Variants in SCAPER observed in about 807,000 individuals in gnomAD.
The protein encoded by SCAPER is S phase cyclin A-associated protein in the endoplasmic reticulum.
In SCAPER, 98 loss-of-function variants were observed where a neutral mutation model predicts 182.2. The observed-to-expected ratio is 0.54, with a 90% CI of 0.46 to 0.64. The LOEUF (loss-of-function observed/expected upper bound fraction) is 0.64. SCAPER is among the 30% of genes least tolerant of loss of function. The pLI, the probability that SCAPER is intolerant of heterozygous loss-of-function variation, is 0.00. For synonymous variants in SCAPER, 605 were observed against 564.6 expected, an observed-to-expected ratio of 1.07 and a Z score of -1.01; for missense variants, 1,432 against 1,690.0, an observed-to-expected ratio of 0.85 and a Z score of 2.68.
chr15:76,414,612 A>T (rs933241976), intron 26 of SCAPER, among the ~76,000 whole-genome samples: 7 of 152,152 alleles, frequency 4.6e-5, no homozygotes, highest in African/African-American at 1.7e-4. Flanking sequence ...AAAAGACCAA[A>T]CAGTTATGTG....
At chr15:76,535,161 T>A (rs1277750344) in intron 23 of SCAPER, among the ~76,000 whole-genome samples, 1 of 152,166 alleles carries the variant, frequency 6.6e-6, no homozygotes, top group African/African-American at 2.4e-5. Flanking sequence ...TACAGACTGA[T>A]AATTTTTCAT....
intron 24 of SCAPER, chr15:76,498,348 CTGGA>C (rs2040799131): frequency 6.6e-6 from 1 of 152,154 alleles, no homozygotes; most frequent in Non-Finnish European, 1.5e-5. Flanking sequence ...TTACCTGCTT[CTGGA>C]GCACAGTGAG....
chr15:76,430,604 T>A (rs1200523471), intron 26 of SCAPER, among the ~76,000 whole-genome samples: 1 of 152,246 alleles, frequency 6.6e-6, no homozygotes, highest in Admixed American at 6.5e-5. Flanking sequence ...CCCCTTTGTT[T>A]TGGCCAATTT....
At chr15:76,768,655 T>C (rs1314259715) in intron 10 of SCAPER, among the ~76,000 whole-genome samples, 2 of 152,106 alleles carry the variant, frequency 1.3e-5, no homozygotes, top group Non-Finnish European at 1.5e-5. Context: ...TGGATTGTAT[T>C]ATACGTAAAT....
At chr15:76,536,241 C>T (rs1352001632) in intron 23 of SCAPER, among the ~76,000 whole-genome samples, 1 of 152,110 alleles carries the variant, frequency 6.6e-6, no homozygotes, top group East Asian at 1.9e-4. Context: ...GTGTGTGCCA[C>T]TCAGCTACTC....
chr15:76,456,389 A>T (rs2048736309), intron 25 of SCAPER, among the ~76,000 whole-genome samples: 1 of 152,152 alleles, frequency 6.6e-6, no homozygotes, highest in Non-Finnish European at 1.5e-5. Context: ...ATATTTTCTC[A>T]TTTCTTTGTG....
chr15:76,733,052 G>A (rs36114653), intron 16 of SCAPER, among the ~76,000 whole-genome samples, 177 bp downstream of exon 16: 42,049 of 151,994 alleles, frequency 0.28, 6,605 homozygotes, highest in East Asian at 0.55. Flanking sequence ...CGGTCTCCAC[G>A]TCTTGGTGGT....
intron 27 of SCAPER, among the ~76,000 whole-genome samples, chr15:76,393,847 C>T (rs2043868393): frequency 6.6e-6 from 1 of 152,160 alleles, no homozygotes; most frequent in South Asian, 2.1e-4. Context: ...TAAGCCTATG[C>T]AGAGACCCCA....
Position 76,771,772 on chromosome 15 carries a change from T to G in SCAPER, c.1218A>C (p.Glu406Asp), listed in dbSNP as rs755099401. The G allele has an allele frequency of 2.5e-6, 4 of 1,613,204 alleles. No individual in the cohort carries two copies. The highest frequency in any genetic ancestry group is 3.3e-5 in the Admixed American group (2 of 60,014). Residue 406 changes from glutamate (E) to aspartate (D), a missense_variant, in exon 10 of 32, where the codon GAA becomes GAC. Transcript: ENST00000563290. ...EKFPAEKARI[E>D]NEMDPSDISN... The stretch of plus-strand genomic sequence containing the variant: ...AAATATCTGAAGGGTCCATTTCATT[T>G]TCTATCCTTGCTTTCTCTGCTGGAA...
At chr15:76,421,108 T>G (rs906177197) in intron 26 of SCAPER, among the ~76,000 whole-genome samples, 7 of 152,262 alleles carry the variant, frequency 4.6e-5, no homozygotes, top group Non-Finnish European at 1.0e-4. Context: ...TATAGCAGCA[T>G]GATTTATAAT....
intron 2 of SCAPER, among the ~76,000 whole-genome samples, chr15:76,882,700 T>C (rs1472102877): frequency 6.6e-6 from 1 of 152,186 alleles, no homozygotes. Context: ...AGTCTCGCTC[T>C]ATAGCCCAGG....
At position 76,384,844 on chromosome 15, in the gene SCAPER, C is replaced by T. The variant is rs141175468; in HGVS notation, c.3468-3229G>A. Reference sequence around the variant, plus strand: ...AATTTGTCCATGAACAGGCCACTGGCTTCTGTTGGTCTTAACTGTCAGTTA... The same window carrying T: ...AATTTGTCCATGAACAGGCCACTGGTTTCTGTTGGTCTTAACTGTCAGTTA... On this transcript the variant is annotated intron_variant, in intron 27 of 31. Coordinates refer to ENST00000563290, the MANE Select transcript of SCAPER (RefSeq NM_020843.4). 6.0e-3 allele frequency among the ~76,000 whole-genome samples: 908 copies of T among 152,288 alleles called. 4 individuals are homozygous for T. The highest frequency in any genetic ancestry group is 0.021 in the African/African-American group (876 of 41,554).
At chr15:76,446,135 T>C (rs2047981286) in intron 25 of SCAPER, among the ~76,000 whole-genome samples, 1 of 152,190 alleles carries the variant, frequency 6.6e-6, no homozygotes, top group African/African-American at 2.4e-5. Flanking sequence ...TAAATATTGT[T>C]ATTCCTATAT....
chr15:76,407,981 AAAC>A (rs1349998000), intron 26 of SCAPER, among the ~76,000 whole-genome samples: 2 of 152,222 alleles, frequency 1.3e-5, no homozygotes, highest in African/African-American at 4.8e-5. Flanking sequence ...CACTTAAAAA[AAAC>A]AAAACCACAA....
At chr15:76,392,855 A>G (rs1451918302) in intron 27 of SCAPER, among the ~76,000 whole-genome samples, 1 of 152,166 alleles carries the variant, frequency 6.6e-6, no homozygotes, top group East Asian at 1.9e-4. Flanking sequence ...AGAGCCAGTG[A>G]GAATCTGGCT....
At chr15:76,881,978 T>A (rs1293789449) in intron 2 of SCAPER, among the ~76,000 whole-genome samples, 1 of 152,214 alleles carries the variant, frequency 6.6e-6, no homozygotes, top group Non-Finnish European at 1.5e-5. Flanking sequence ...GAACACTGTT[T>A]TATAGTTTGA....
intron 20 of SCAPER, among the ~76,000 whole-genome samples, chr15:76,690,530 G>A (rs528065968): frequency 3.2e-4 from 48 of 152,204 alleles, no homozygotes; most frequent in African/African-American, 9.9e-4. Flanking sequence ...ATGTACCACT[G>A]TTTATTAATT....
At chr15:76,801,637 C>T (rs985669980) in intron 6 of SCAPER, among the ~76,000 whole-genome samples, 1 of 152,106 alleles carries the variant, frequency 6.6e-6, no homozygotes, top group Non-Finnish European at 1.5e-5. Flanking sequence ...AGGGATGCCT[C>T]AGCCAGGCAT....
At chr15:76,512,883 A>C (rs1344145406) in intron 23 of SCAPER, among the ~76,000 whole-genome samples, 1 of 151,680 alleles carries the variant, frequency 6.6e-6, no homozygotes, top group East Asian at 1.9e-4. Flanking sequence ...AAAAAAAAGC[A>C]AAAAAGCAAA....
Sources: allele counts gnomAD v4.1 joint callset (sites outside exome capture counted in the v4.1 genomes callset), GRCh38; gene constraint gnomAD v4.1.1; transcripts MANE v1.5; gene names NCBI Gene and HGNC (gene_info 2026-07-23, HGNC 2026-07-21).